MYH2: variants seen among roughly 807,000 people sequenced by gnomAD.
MYH2 encodes the protein myosin-2.
A neutral mutation model predicts 228.1 loss-of-function variants in MYH2; 139 were observed. The observed-to-expected ratio is 0.61, with a 90% CI of 0.53 to 0.70. The LOEUF (loss-of-function observed/expected upper bound fraction) is 0.70. Ranked by LOEUF, MYH2 falls within the 30% of genes least tolerant of loss-of-function variation. The probability of loss-of-function intolerance (pLI) is 0.00; values close to 1 mark genes in which losing one functional copy is unlikely to be tolerated. For missense variants in MYH2, 1,809 were observed against 2,357.5 expected (o/e 0.77, Z 4.82); for synonymous variants, 796 against 871.1 (o/e 0.91, Z 1.52).
In MYH2 at chr17:10,547,830, G is replaced by T. The variant is rs367640819; in HGVS notation, c.91C>A (p.Pro31Thr). Reference sequence around the variant, plus strand: ...AAGACAGATGTTTTGGCATCAAAGGGCCTATTCTGGGCCTCAATGCGCTCC... The same window carrying T: ...AAGACAGATGTTTTGGCATCAAAGGTCCTATTCTGGGCCTCAATGCGCTCC... ...ERERIEAQNRPFDAKTSVFVA... is the reference protein window; with the variant it reads ...ERERIEAQNRTFDAKTSVFVA... Residue 31 changes from proline to threonine, a missense_variant, in exon 3 of 40, where the codon CCC becomes ACC. Coordinates refer to ENST00000245503, the MANE Select transcript of MYH2 (RefSeq NM_017534.6). 6.2e-7 allele frequency: 1 copy of T among 1,614,056 alleles called. No individual in the cohort carries two copies. Among genetic ancestry groups the T allele is most frequent in the East Asian group, 2.2e-5 (1 of 44,884 alleles).
At chr17:10,536,406 T>G in intron 17 of MYH2, 124 bp downstream of exon 17, 1 of 716,632 alleles carries the variant, frequency 1.4e-6, no homozygotes. Flanking sequence ...ATAAATGTAA[T>G]GTGATATTAG....
At position 10,546,256 on chromosome 17, in the gene MYH2, GATATAT is replaced by G. The variant is rs71139049; in HGVS notation, c.349-760_349-755del. ...GTTATAAGGAAACAGGACACGAAAT[GATATAT>G]ATATATATATATATATATATATATA... On this transcript the variant is annotated intron_variant, in intron 4 of 39. Transcript: ENST00000245503. Among the ~76,000 whole-genome samples, 93 of 66,124 alleles carry G rather than the reference GATATAT, an allele frequency of 1.4e-3. 2 individuals carry two copies. Among genetic ancestry groups the G allele is most frequent in the Admixed American group, 2.5e-3 (12 of 4,800 alleles). The allele number at this position is 66,124 out of a possible 152,430, so 43.4% of individuals were successfully genotyped here. A position where few individuals can be genotyped will look rare whatever the true frequency, so the allele number is the denominator to read the frequency against.
At chr17:10,526,860 C>G (rs145184841) in intron 29 of MYH2, 65 bp from the exon 30 acceptor site, 17 of 1,613,284 alleles carry the variant, frequency 1.1e-5, no homozygotes, top group African/African-American at 1.3e-5. Context: ...ACTTTCAAAA[C>G]CTTTTGAAAG....
intron 4 of MYH2, among the ~76,000 whole-genome samples, chr17:10,547,205 A>G (rs964625590): frequency 1.3e-5 from 2 of 152,220 alleles, no homozygotes; most frequent in Non-Finnish European, 2.9e-5. Flanking sequence ...ATTGAAATAT[A>G]AGTAGTAACT....
In MYH2 at chr17:10,531,867, C is replaced by T; in HGVS notation, c.2463G>A (p.Gln821=). 6.2e-7 allele frequency: 1 copy of T among 1,614,126 alleles called. No individual in the cohort carries two copies. Among genetic ancestry groups the T allele is most frequent in the Non-Finnish European group, 8.5e-7 (1 of 1,179,988 alleles). The change falls in exon 22 of 40, where the codon CAG becomes CAA. Residue 821 remains glutamine (Q), a synonymous_variant. Coordinates refer to ENST00000245503, the MANE Select transcript of MYH2 (RefSeq NM_017534.6). Reference sequence around the variant, plus strand: ...CATTCATGAAGGATCTGATATTGTACTGGATACAGAAGATGGCCTCCCTGA... The same window carrying T: ...CATTCATGAAGGATCTGATATTGTATTGGATACAGAAGATGGCCTCCCTGA... ...VERREAIFCI[Q]YNIRSFMNVK...
Position 10,541,165 on chromosome 17 carries a change from G to A in MYH2, c.905-468C>T, listed in dbSNP as rs564645582. Among the ~76,000 whole-genome samples the A allele has an allele frequency of 2.1e-4, 32 of 152,278 alleles. No individual in the cohort carries two copies. The East Asian group carries it at 4.4e-3, about 21-fold the overall frequency. On this transcript the variant is annotated intron_variant, in intron 10 of 39. Transcript: ENST00000245503. ...CTTGAAAAAAGAACAGGATAACAGC[G>A]GTGTTCAGGGAACAAGGGAGATAAC...
intron 21 of MYH2, 60 bp downstream of exon 21, chr17:10,533,207 ATAAGCTGAGTCTTAACTG>A (rs2073444214): frequency 3.8e-6 from 6 of 1,591,716 alleles, no homozygotes; most frequent in Non-Finnish European, 5.2e-6. Context: ...TGTCCTTATC[ATAAGCTGAGTCTTAACTG>A]TAAGCCATTT....
Position 10,528,813 on chromosome 17 carries a change from G to C in MYH2, c.3621C>G (p.Ala1207=). 6.2e-7 allele frequency: 1 copy of C among 1,614,098 alleles called. No homozygotes were observed. Among genetic ancestry groups the C allele is most frequent in the Non-Finnish European group, 8.5e-7 (1 of 1,180,024 alleles). Residue 1207 remains alanine, a synonymous_variant, in exon 27 of 40, where the codon GCC becomes GCG. Transcript: ENST00000245503. ...TLRKKHADSV[A]ELGEQIDNLQ... is the part of the protein sequence containing the mutation. ...GGTTGTCAATCTGCTCCCCAAGCTC[G>C]GCCACACTATCTGCATGCTTCTTCC...
At chr17:10,530,996 A>T (rs985927943) in intron 22 of MYH2, among the ~76,000 whole-genome samples, 1 of 152,250 alleles carries the variant, frequency 6.6e-6, no homozygotes, top group Non-Finnish European at 1.5e-5. Flanking sequence ...TGATGGAAGC[A>T]GTTCTAAAAT....
Position 10,537,183 on chromosome 17 carries a change from A to T in MYH2, c.1897+50T>A. 2 of 1,610,930 alleles carry T rather than the reference A, an allele frequency of 1.2e-6. No homozygotes were observed. Among genetic ancestry groups the T allele is most frequent in the African/African-American group, 1.3e-5 (1 of 75,010 alleles). Reference sequence around the variant, plus strand: ...CTAAGAGATCACTAGCTTCAATTTAACATCACATTTTGTAATACCTAGAGA... The same window carrying T: ...CTAAGAGATCACTAGCTTCAATTTATCATCACATTTTGTAATACCTAGAGA... On this transcript the variant is annotated intron_variant, in intron 16 of 39. Coordinates refer to ENST00000245503, the MANE Select transcript of MYH2 (RefSeq NM_017534.6). The surrounding 1 kb of genome is among the most constrained non-coding windows in gnomAD (Gnocchi z 4.0).
At chr17:10,536,219 A>C (rs1349928030) in intron 17 of MYH2, among the ~76,000 whole-genome samples, 4 of 152,186 alleles carry the variant, frequency 2.6e-5, no homozygotes, top group Non-Finnish European at 5.9e-5. Context: ...TACAGTGTAC[A>C]CTGCTCTGGT....
chr17:10,540,113 C>G (rs1364987728), intron 11 of MYH2, 47 bp from the exon 12 acceptor site: 1 of 1,611,842 alleles, frequency 6.2e-7, no homozygotes, highest in Non-Finnish European at 8.5e-7. Flanking sequence ...GATCCACACG[C>G]TTACTGTTAA....
At chr17:10,536,207 G>T (rs1471197941) in intron 17 of MYH2, among the ~76,000 whole-genome samples, 1 of 151,768 alleles carries the variant, frequency 6.6e-6, no homozygotes, top group Non-Finnish European at 1.5e-5. Flanking sequence ...TTATGCATTG[G>T]GTACAGTGTA....
intron 10 of MYH2, 58 bp downstream of exon 10, chr17:10,542,817 C>T: frequency 8.6e-7 from 1 of 1,157,132 alleles, no homozygotes; most frequent in East Asian, 2.4e-5. Flanking sequence ...CTAGGTTGGA[C>T]TGTGCATTGA....
In MYH2 at chr17:10,537,159, T is replaced by G; in HGVS notation, c.1897+74A>C. On this transcript the variant is annotated intron_variant, in intron 16 of 39. Coordinates refer to ENST00000245503, the MANE Select transcript of MYH2 (RefSeq NM_017534.6). The surrounding 1 kb of genome is among the most constrained non-coding windows in gnomAD (Gnocchi z 4.0). ...TGGTCTGCAACCCTTCTGCCAGACC[T>G]AAGAGATCACTAGCTTCAATTTAAC... 1 of 1,596,352 alleles carries G rather than the reference T, an allele frequency of 6.3e-7. No individual in the cohort carries two copies. The highest frequency in any genetic ancestry group is 8.6e-7 in the Non-Finnish European group (1 of 1,166,508).
At position 10,528,821 on chromosome 17, in the gene MYH2, T is replaced by C; in HGVS notation, c.3613A>G (p.Ser1205Gly). 6.2e-7 allele frequency: 1 copy of C among 1,614,242 alleles called. No individual in the cohort carries two copies. The highest frequency in any genetic ancestry group is 1.1e-5 in the South Asian group (1 of 91,086). The change falls in exon 27 of 40, where the codon AGT becomes GGT. Residue 1205 changes from serine (S) to glycine (G), a missense_variant. Physicochemically the swap from Ser to Gly is moderately conservative, Grantham distance 56 (BLOSUM62 0). Coordinates refer to ENST00000245503, the MANE Select transcript of MYH2 (RefSeq NM_017534.6). ...ATCTGCTCCCCAAGCTCGGCCACAC[T>C]ATCTGCATGCTTCTTCCTCAGGGTG... ...AATLRKKHADSVAELGEQIDN... is the reference protein window; with the variant it reads ...AATLRKKHADGVAELGEQIDN...
chr17:10,529,108 CT>C, intron 26 of MYH2, 29 bp from the exon 27 acceptor site: 6 of 1,614,198 alleles, frequency 3.7e-6, no homozygotes, highest in Non-Finnish European at 5.1e-6. Flanking sequence ...ACAAACTCAG[CT>C]TCTTTGTGTC....
intron 27 of MYH2, 39 bp from the exon 28 acceptor site, chr17:10,527,913 T>C: frequency 6.2e-7 from 1 of 1,604,040 alleles, no homozygotes; most frequent in Non-Finnish European, 8.5e-7. Flanking sequence ...CAGAGACCTT[T>C]TAAGCGAATA....
Position 10,527,769 on chromosome 17 carries a change from C to G in MYH2, c.3850G>C (p.Gly1284Arg). 1.2e-6 allele frequency: 2 copies of G among 1,614,138 alleles called. No individual in the cohort carries two copies. Among genetic ancestry groups the G allele is most frequent in the Non-Finnish European group, 1.7e-6 (2 of 1,180,034 alleles). ...TTACCAGATTCAGTCTGCAGGCGCC[C>G]CCTCTGCGCAGTCAGGTCATTGATC... ...RLINDLTAQR[G>R]RLQTESGEFS... The change falls in exon 28 of 40, where the codon GGG becomes CGG. Residue 1284 changes from glycine (G) to arginine (R), a missense_variant. Gly to Arg is a moderately radical substitution (Grantham distance 125). This residue lies in a region of MYH2 where 636 missense variants were observed against 729.9 expected (regional missense o/e 0.87). Coordinates refer to ENST00000245503, the MANE Select transcript of MYH2 (RefSeq NM_017534.6).
Sources: allele counts gnomAD v4.1 joint callset (sites outside exome capture counted in the v4.1 genomes callset), GRCh38; gene constraint gnomAD v4.1.1; regional missense constraint gnomAD v4.1.1; non-coding constraint Gnocchi (gnomAD v3.1); transcripts MANE v1.5; gene names NCBI Gene and HGNC (gene_info 2026-07-23, HGNC 2026-07-21).